The following DSCAM variants were observed in gnomAD, a reference collection of about 807,000 sequenced individuals.
DSCAM encodes cell adhesion molecule DSCAM.
In DSCAM, 47 loss-of-function variants were observed where a neutral mutation model predicts 217.7. The ratio of observed to expected loss-of-function variants is 0.22; its 90% CI spans 0.17 to 0.28. DSCAM has a LOEUF of 0.28. Among genes scored for constraint, DSCAM ranks in the 10% least tolerant of loss-of-function variants. DSCAM has a pLI of 1.00. For missense variants in DSCAM, 2,080 were observed against 2,618.3 expected, an observed-to-expected ratio of 0.79 and a Z score of 4.49; for synonymous variants, 1,056 against 1,015.3, an observed-to-expected ratio of 1.04 and a Z score of -0.76.
chr21:40,724,173 C>T (rs17836047), intron 1 of DSCAM, among the ~76,000 whole-genome samples: 3,823 of 152,182 alleles, frequency 0.025, 61 homozygotes, highest in Middle Eastern at 0.034. Context: ...TACTACGTTC[C>T]GGCATTTACA....
chr21:40,620,769 C>G (rs1164399712), intron 3 of DSCAM, among the ~76,000 whole-genome samples: 1 of 152,212 alleles, frequency 6.6e-6, no homozygotes, highest in Non-Finnish European at 1.5e-5. Flanking sequence ...AAACACTACA[C>G]TGTGTTCATA....
At chr21:40,142,865 T>C (rs2146714322) in intron 17 of DSCAM, among the ~76,000 whole-genome samples, 161 bp from the exon 18 acceptor site, 1 of 152,252 alleles carries the variant, frequency 6.6e-6, no homozygotes, top group Admixed American at 6.5e-5. Context: ...CCTGGAAAAA[T>C]CTTATGATAA....
chr21:40,758,610 TTTC>T (rs2091299659), intron 1 of DSCAM, among the ~76,000 whole-genome samples: 2 of 151,970 alleles, frequency 1.3e-5, no homozygotes, highest in South Asian at 4.2e-4. Context: ...GTTACATGAT[TTTC>T]TTATTTTGGG....
chr21:40,680,910 T>G (rs906609905), intron 3 of DSCAM, among the ~76,000 whole-genome samples: 2 of 152,196 alleles, frequency 1.3e-5, no homozygotes, highest in African/African-American at 4.8e-5. Flanking sequence ...CACTGAAATA[T>G]TCTGTAAATA....
intron 3 of DSCAM, among the ~76,000 whole-genome samples, chr21:40,389,240 T>C (rs1401767752): frequency 6.6e-6 from 1 of 152,204 alleles, no homozygotes; most frequent in Non-Finnish European, 1.5e-5. Flanking sequence ...CAAAAGTCAT[T>C]ATAAATGTCT....
chr21:40,666,637 T>C (rs1157930172), intron 3 of DSCAM, among the ~76,000 whole-genome samples: 1 of 152,200 alleles, frequency 6.6e-6, no homozygotes, highest in African/African-American at 2.4e-5. Flanking sequence ...CCCCCGGTGG[T>C]TGTTTTCCTG....
chr21:40,338,291 C>A lies in DSCAM; in HGVS notation c.1593G>T (p.Pro531=), dbSNP rs751948729. The A allele has an allele frequency of 8.1e-6, 13 of 1,614,192 alleles. No homozygotes were observed. In the East Asian group the frequency reaches 2.7e-4, roughly 33 times the overall value. Residue 531 remains proline, a synonymous_variant, in exon 8 of 33, where the codon CCG becomes CCT. Transcript: ENST00000400454. The part of the protein sequence containing the change: ...TYIHCRVIGY[P]YYSIKWYKNS... ...TCTTGTACCATTTAATGGAGTAATA[C>A]GGATAGCCAATCACACGACAGTGAA... is the stretch of plus-strand genomic sequence containing the variant.
At chr21:40,399,080 G>A (rs2123770970) in intron 3 of DSCAM, among the ~76,000 whole-genome samples, 1 of 152,252 alleles carries the variant, frequency 6.6e-6, no homozygotes, top group Admixed American at 6.5e-5. Context: ...AGACCAGCCT[G>A]AGCAACATAG....
intron 3 of DSCAM, among the ~76,000 whole-genome samples, chr21:40,582,219 T>C (rs949175925): frequency 2.0e-5 from 3 of 152,206 alleles, no homozygotes; most frequent in African/African-American, 7.2e-5. Flanking sequence ...GTGGTTGATT[T>C]CAGGCCTAAA....
chr21:40,377,602 T>C lies in DSCAM; in HGVS notation c.509-8357A>G, dbSNP rs533577008. ...TGTGAGCATGCTGAGTCAGTTAAAA[T>C]CAAAAAAGTCAAGCTGCAGACAGGG... is the stretch of plus-strand genomic sequence containing the variant. On this transcript the variant is annotated intron_variant, in intron 3 of 32. Transcript: ENST00000400454. Among the ~76,000 whole-genome samples the C allele has an allele frequency of 2.0e-5, 3 of 151,646 alleles. No homozygotes were observed. In the South Asian group the frequency reaches 6.3e-4, roughly 32 times the overall value.
intron 3 of DSCAM, among the ~76,000 whole-genome samples, chr21:40,635,465 A>T (rs7279814): frequency 0.067 from 10,275 of 152,240 alleles, 763 homozygotes; most frequent in African/African-American, 0.18. Flanking sequence ...TAGTTAAGAA[A>T]GAAAGAGAGA....
chr21:40,691,157 G>C (rs1350971774), intron 3 of DSCAM, among the ~76,000 whole-genome samples: 5 of 152,148 alleles, frequency 3.3e-5, no homozygotes, highest in Non-Finnish European at 5.9e-5. Flanking sequence ...CTTCCTTCAG[G>C]CACATGCCCC....
In DSCAM at chr21:40,816,190, GAGA is replaced by G. The variant is rs139384162; in HGVS notation, c.43+30426_43+30428del. ...AAAGTGCTATAAGTGCTGTACAAAC[GAGA>G]AGAAGTGTGATTTGAAGCTTGAGCA... is the stretch of plus-strand genomic sequence containing the variant. On this transcript the variant is annotated intron_variant, in intron 1 of 32. Transcript: ENST00000400454. Among the ~76,000 whole-genome samples, 813 of 152,300 alleles carry G rather than the reference GAGA, an allele frequency of 5.3e-3. 6 individuals carry two copies. The highest frequency in any genetic ancestry group is 0.031 in the Middle Eastern group (9 of 294).
At chr21:40,155,999 C>G (rs1290449762) in intron 16 of DSCAM, among the ~76,000 whole-genome samples, 1 of 151,976 alleles carries the variant, frequency 6.6e-6, no homozygotes, top group African/African-American at 2.4e-5. Context: ...ACAGGGCAGC[C>G]TCTGTCTACC....
intron 3 of DSCAM, among the ~76,000 whole-genome samples, chr21:40,677,134 T>C (rs911355630): frequency 6.6e-6 from 1 of 152,100 alleles, no homozygotes; most frequent in African/African-American, 2.4e-5. Context: ...GAAGGCTTTT[T>C]ATAAAAACCC....
intron 3 of DSCAM, among the ~76,000 whole-genome samples, chr21:40,637,148 T>A (rs13052496): frequency 3.2e-5 from 2 of 63,040 alleles, no homozygotes; most frequent in African/African-American, 6.1e-5. Flanking sequence ...AATATATATA[T>A]AAATATATAT....
At chr21:40,673,080 C>T (rs2090296204) in intron 3 of DSCAM, among the ~76,000 whole-genome samples, 1 of 152,180 alleles carries the variant, frequency 6.6e-6, no homozygotes, top group Non-Finnish European at 1.5e-5. Context: ...GCTGGCCCTG[C>T]CCCATCCCTT....
chr21:40,814,480 CTTCT>C (rs2123558224), intron 1 of DSCAM, among the ~76,000 whole-genome samples: 1 of 152,302 alleles, frequency 6.6e-6, no homozygotes, highest in South Asian at 2.1e-4. Flanking sequence ...AGAAATACTG[CTTCT>C]TTCTAAGTTA....
At chr21:40,686,973 A>G (rs1318116627) in intron 3 of DSCAM, among the ~76,000 whole-genome samples, 1 of 152,164 alleles carries the variant, frequency 6.6e-6, no homozygotes, top group Non-Finnish European at 1.5e-5. Context: ...TTCTCAGTTA[A>G]TTCACTCCCA....
Sources: gnomAD v4.1 joint callset for allele counts (sites outside exome capture counted in the v4.1 genomes callset) on GRCh38, gnomAD v4.1.1 for gene constraint, MANE v1.5 for transcripts, NCBI Gene and HGNC (gene_info 2026-07-23, HGNC 2026-07-21) for gene names.